The following SMIM31 variants were observed in gnomAD, a reference collection of about 807,000 sequenced individuals.
SMIM31 encodes the protein small integral membrane protein 31.
chr4:164,792,150 G>C (rs1733109911), intron 2 of SMIM31, among the ~76,000 whole-genome samples: 1 of 152,198 alleles, frequency 6.6e-6, no homozygotes, highest in Non-Finnish European at 1.5e-5. Context: ...ATTCTGCATT[G>C]TTTCAGAATG....
intron 1 of SMIM31, among the ~76,000 whole-genome samples, chr4:164,765,688 A>G (rs1732711500): frequency 6.6e-6 from 1 of 151,406 alleles, no homozygotes; most frequent in African/African-American, 2.4e-5. Flanking sequence ...CACGTTGGTT[A>G]GTAGCCTTTA....
intron 2 of SMIM31, among the ~76,000 whole-genome samples, chr4:164,777,605 G>A (rs746529790): frequency 3.2e-4 from 48 of 152,334 alleles, no homozygotes; most frequent in Non-Finnish European, 6.0e-4. Context: ...TAAAATGTAA[G>A]TGACCCATCA....
intron 2 of SMIM31, among the ~76,000 whole-genome samples, chr4:164,790,694 AAAT>A (rs1170032342): frequency 6.6e-6 from 1 of 152,194 alleles, no homozygotes; most frequent in African/African-American, 2.4e-5. Context: ...TTTTTCAGTC[AAAT>A]AATAAATACT....
chr4:164,766,027 C>CGA (rs1732716485), intron 1 of SMIM31, among the ~76,000 whole-genome samples: 1 of 152,084 alleles, frequency 6.6e-6, no homozygotes. Flanking sequence ...AAGGGAGCCG[C>CGA]GAGAGAATGA....
At chr4:164,755,248 G>A (rs923284478) in intron 1 of SMIM31, among the ~76,000 whole-genome samples, 1 of 151,418 alleles carries the variant, frequency 6.6e-6, no homozygotes, top group Non-Finnish European at 1.5e-5. Flanking sequence ...GGGAGGCCAA[G>A]GCAGGAAGAT....
intron 2 of SMIM31, among the ~76,000 whole-genome samples, chr4:164,796,487 A>G (rs1733197463): frequency 6.6e-6 from 1 of 152,068 alleles, no homozygotes; most frequent in Non-Finnish European, 1.5e-5. Context: ...TTACCTTGTT[A>G]CTTTGGCTTT....
At chr4:164,769,071 G>A (rs1732759252) in intron 1 of SMIM31, among the ~76,000 whole-genome samples, 1 of 152,004 alleles carries the variant, frequency 6.6e-6, no homozygotes, top group Non-Finnish European at 1.5e-5. Flanking sequence ...CACCCCATAT[G>A]GCCAACAAGC....
intron 1 of SMIM31, among the ~76,000 whole-genome samples, chr4:164,766,951 T>G (rs1272409420): frequency 6.6e-6 from 1 of 151,830 alleles, no homozygotes; most frequent in Non-Finnish European, 1.5e-5. Context: ...ACAATGAGAA[T>G]GTAGAGGAGA....
chr4:164,785,940 A>G (rs941040702), intron 2 of SMIM31, among the ~76,000 whole-genome samples: 6 of 152,172 alleles, frequency 3.9e-5, no homozygotes, highest in Admixed American at 1.3e-4. Flanking sequence ...TTCAATTTGT[A>G]GCTAGTAAAA....
intron 1 of SMIM31, among the ~76,000 whole-genome samples, chr4:164,769,750 A>T (rs1397323569): frequency 6.6e-6 from 1 of 152,074 alleles, no homozygotes; most frequent in Non-Finnish European, 1.5e-5. Context: ...TATAAAAAAA[A>T]AAAAAAACTC....
At chr4:164,773,088 C>A (rs1186727737) in intron 2 of SMIM31, among the ~76,000 whole-genome samples, 1 of 140,012 alleles carries the variant, frequency 7.1e-6, no homozygotes, top group Non-Finnish European at 1.5e-5. Context: ...CTGCAAAGGG[C>A]TTAAATTGGC....
chr4:164,758,957 C>T (rs1052306885), intron 1 of SMIM31, among the ~76,000 whole-genome samples: 1 of 151,074 alleles, frequency 6.6e-6, no homozygotes, highest in Non-Finnish European at 1.5e-5. Context: ...CATGAGCCAC[C>T]GCGCCCTGCC....
chr4:164,789,778 G>C (rs549486274), intron 2 of SMIM31, among the ~76,000 whole-genome samples: 1 of 152,288 alleles, frequency 6.6e-6, no homozygotes, highest in East Asian at 1.9e-4. Context: ...ACTTATTCTT[G>C]AGAATAAGTT....
At chr4:164,766,796 CAAA>C (rs33966423) in intron 1 of SMIM31, among the ~76,000 whole-genome samples, 17 of 116,096 alleles carry the variant, frequency 1.5e-4, no homozygotes, top group Middle Eastern at 4.9e-3. Flanking sequence ...GACTCCATCT[CAAA>C]AAAAAAAAAA....
intron 2 of SMIM31, among the ~76,000 whole-genome samples, chr4:164,791,797 C>G (rs1468756245): frequency 6.6e-6 from 1 of 152,032 alleles, no homozygotes; most frequent in African/African-American, 2.4e-5. Context: ...TACCCATTAC[C>G]TTAATGGTGT....
intron 2 of SMIM31, among the ~76,000 whole-genome samples, chr4:164,796,138 A>G (rs1387568961): frequency 6.6e-6 from 1 of 152,146 alleles, no homozygotes; most frequent in Non-Finnish European, 1.5e-5. Context: ...AAAATCCTCA[A>G]CTAGCCCATC....
intron 1 of SMIM31, among the ~76,000 whole-genome samples, chr4:164,769,289 C>T (rs1203575107): frequency 2.6e-5 from 4 of 152,066 alleles, no homozygotes; most frequent in African/African-American, 9.7e-5. Context: ...TACTAAGGAC[C>T]TTATATTCAT....
chr4:164,756,342 A>G (rs62352407), intron 1 of SMIM31, among the ~76,000 whole-genome samples: 17,356 of 152,052 alleles, frequency 0.11, 1,104 homozygotes, highest in African/African-American at 0.16. Context: ...AGGCTGGGGC[A>G]GGCGGATCAC....
chr4:164,760,738 TAAA>T (rs60710008), intron 1 of SMIM31, among the ~76,000 whole-genome samples: 9,945 of 86,154 alleles, frequency 0.12, 401 homozygotes, highest in South Asian at 0.17. Context: ...AGACTCCACC[TAAA>T]AAAAAAAAAA....
Sources: allele counts gnomAD v4.1 joint callset (sites outside exome capture counted in the v4.1 genomes callset), GRCh38; gene constraint gnomAD v4.1.1; transcripts MANE v1.5; gene names NCBI Gene and HGNC (gene_info 2026-07-23, HGNC 2026-07-21).